The following THUMPD2 variants were observed in gnomAD, a reference collection of about 807,000 sequenced individuals.
THUMPD2 encodes the protein U6 snRNA (guanine-N(2))-methyltransferase THUMPD2.
In THUMPD2, 56 loss-of-function variants were observed where a neutral mutation model predicts 49.4. That is an observed-to-expected ratio of 1.13 (90% CI 0.91 to 1.41). The LOEUF is 1.41. Ranked by LOEUF, THUMPD2 falls within the 40% of genes most tolerant of loss-of-function variation. The pLI is 0.00. For synonymous variants in THUMPD2, 237 were observed against 205.2 expected, an observed-to-expected ratio of 1.15 and a Z score of -1.32; for missense variants, 709 against 594.5, an observed-to-expected ratio of 1.19 and a Z score of -2.00.
intron 5 of THUMPD2, 30 bp downstream of exon 5, chr2:39,766,027 T>G (rs4670959): frequency 5.2e-6 from 8 of 1,546,496 alleles, no homozygotes; most frequent in Non-Finnish European, 7.0e-6. Context: ...ATCTGTCTTA[T>G]GGGACAAACC....
chr2:39,747,937 A>G lies in THUMPD2; in HGVS notation c.1079-3459T>C, dbSNP rs560387644. Among the ~76,000 whole-genome samples, 4 of 152,310 alleles carry G rather than the reference A, an allele frequency of 2.6e-5. No individual in the cohort carries two copies. The South Asian group carries it at 8.3e-4, about 32-fold the overall frequency. On this transcript the variant is annotated intron_variant, in intron 8 of 9. Coordinates refer to ENST00000505747, the MANE Select transcript of THUMPD2 (RefSeq NM_025264.5). ...CCATTCTAGACTACAAATTTATCCA[A>G]TTACAATAAGGAAAGTCATCAGGAG... is the stretch of plus-strand genomic sequence containing the variant.
Position 39,771,606 on chromosome 2 carries a change from G to A in THUMPD2, c.161C>T (p.Thr54Ile), listed in dbSNP as rs757752629. Residue 54 changes from threonine to isoleucine, a missense_variant, in exon 2 of 10, where the codon ACC (threonine) becomes ATC (isoleucine). Thr to Ile is a moderately conservative substitution (Grantham distance 89). Coordinates refer to ENST00000505747, the MANE Select transcript of THUMPD2 (RefSeq NM_025264.5). ...EYISGKVFFT[T>I]CSDLNMLKKL... ...CTTCAACATATTCAAATCAGAACAGGTGGTGAAAAAAACCTTTCCTGAAAT... is the reference window on the plus strand; with the variant it reads ...CTTCAACATATTCAAATCAGAACAGATGGTGAAAAAAACCTTTCCTGAAAT... 5 of 1,603,678 alleles carry A rather than the reference G, an allele frequency of 3.1e-6. No individual in the cohort carries two copies. The highest frequency in any genetic ancestry group is 4.2e-6 in the Non-Finnish European group (5 of 1,176,996).
intron 8 of THUMPD2, among the ~76,000 whole-genome samples, chr2:39,745,845 A>G (rs1674507564): frequency 6.6e-6 from 1 of 152,218 alleles, no homozygotes; most frequent in South Asian, 2.1e-4. Flanking sequence ...TCCAGAACTA[A>G]GCAGTGTCAT....
intron 5 of THUMPD2, among the ~76,000 whole-genome samples, chr2:39,765,189 T>C (rs192677018): frequency 8.5e-5 from 13 of 152,256 alleles, no homozygotes; most frequent in African/African-American, 3.1e-4. Flanking sequence ...AGACAGAGTC[T>C]CACTCTGTCA....
In THUMPD2 at chr2:39,753,753, G is replaced by C. The variant is rs1215331612; in HGVS notation, c.1078+1542C>G. Among the ~76,000 whole-genome samples, 9 of 152,298 alleles carry C rather than the reference G, an allele frequency of 5.9e-5. No homozygotes were observed. In the East Asian group the frequency reaches 1.4e-3, roughly 23 times the overall value. On this transcript the variant is annotated intron_variant, in intron 8 of 9. Transcript: ENST00000505747. ...CAAATTCTGTTGGCTCTGTCTGCCA[G>C]ATGTATATCTGACCTTCTCTCGACA...
chr2:39,769,433 G>T, intron 3 of THUMPD2: 1 of 328,774 alleles, frequency 3.0e-6, no homozygotes, highest in Non-Finnish European at 5.5e-6. Context: ...CAGGCATGGT[G>T]GCTCCCGCCT....
At chr2:39,776,058 C>T (rs1446476736) in intron 1 of THUMPD2, among the ~76,000 whole-genome samples, 1 of 152,100 alleles carries the variant, frequency 6.6e-6, no homozygotes, top group African/African-American at 2.4e-5. Context: ...CTACAACATT[C>T]AATTTTATCT....
At chr2:39,748,676 G>T (rs1392023222) in intron 8 of THUMPD2, among the ~76,000 whole-genome samples, 1 of 151,750 alleles carries the variant, frequency 6.6e-6, no homozygotes, top group Non-Finnish European at 1.5e-5. Flanking sequence ...GACAGAGTGA[G>T]AGTCTGTCTC....
intron 6 of THUMPD2, among the ~76,000 whole-genome samples, chr2:39,760,489 G>A (rs1676679798): frequency 6.6e-6 from 1 of 152,074 alleles, no homozygotes; most frequent in South Asian, 2.1e-4. Flanking sequence ...GAAAATAAGA[G>A]AAGGAAACAA....
At chr2:39,759,265 AAAT>A (rs1357495385) in intron 6 of THUMPD2, among the ~76,000 whole-genome samples, 3 of 152,114 alleles carry the variant, frequency 2.0e-5, no homozygotes, top group East Asian at 3.9e-4. Flanking sequence ...AAGTAAAAAT[AAAT>A]AATAATTTTT....
chr2:39,742,269 C>T (rs1673992257), intron 9 of THUMPD2, among the ~76,000 whole-genome samples: 1 of 152,150 alleles, frequency 6.6e-6, no homozygotes, highest in South Asian at 2.1e-4. Flanking sequence ...AAGGAAAAGT[C>T]CCTTATATCC....
At chr2:39,766,746 A>C (rs1677571354) in intron 4 of THUMPD2, among the ~76,000 whole-genome samples, 1 of 152,196 alleles carries the variant, frequency 6.6e-6, no homozygotes, top group Non-Finnish European at 1.5e-5. Flanking sequence ...AACCTCAAGA[A>C]TATCTGGTCC....
At position 39,766,593 on chromosome 2, in the gene THUMPD2, T is replaced by G. The variant is rs539479373; in HGVS notation, c.751-484A>C. On this transcript the variant is annotated intron_variant, in intron 4 of 9. Transcript: ENST00000505747. ...CTGTTTTCTCTATAAGTTTCTGTCT[T>G]TCTTTATTTTCTTTCTTCTGTTAGG... Among the ~76,000 whole-genome samples the G allele has an allele frequency of 7.9e-5, 12 of 152,292 alleles. 1 individual carries two copies. Among genetic ancestry groups the G allele is most frequent in the South Asian group, 4.1e-4 (2 of 4,822 alleles).
At chr2:39,777,727 T>C (rs1301987413) in intron 1 of THUMPD2, among the ~76,000 whole-genome samples, 3 of 152,232 alleles carry the variant, frequency 2.0e-5, no homozygotes, top group African/African-American at 7.2e-5. Context: ...AATATGGAAA[T>C]TCCCAAATCT....
At chr2:39,754,934 T>C (rs892049824) in intron 8 of THUMPD2, among the ~76,000 whole-genome samples, 1 of 152,208 alleles carries the variant, frequency 6.6e-6, no homozygotes, top group Non-Finnish European at 1.5e-5. Flanking sequence ...TTCATATTAT[T>C]TATTCAAAAG....
chr2:39,771,190 T>C (rs1408706849), intron 2 of THUMPD2, among the ~76,000 whole-genome samples: 1 of 152,166 alleles, frequency 6.6e-6, no homozygotes, highest in Non-Finnish European at 1.5e-5. Flanking sequence ...GATTAGTTCA[T>C]GTTTCTAAAT....
chr2:39,755,253 A>G (rs984054800), intron 8 of THUMPD2, 42 bp downstream of exon 8: 23 of 1,271,168 alleles, frequency 1.8e-5, no homozygotes, highest in Non-Finnish European at 2.3e-5. Flanking sequence ...ATATATTTAC[A>G]TTGTTCCTTT....
chr2:39,771,686 A>G (rs1353507258), intron 1 of THUMPD2, 46 bp from the exon 2 acceptor site: 2 of 1,559,688 alleles, frequency 1.3e-6, no homozygotes, highest in Admixed American at 4.4e-5. Flanking sequence ...TGTCAGTGAA[A>G]AAACCATATT....
chr2:39,777,432 A>T (rs1182084281), intron 1 of THUMPD2, among the ~76,000 whole-genome samples: 1 of 152,226 alleles, frequency 6.6e-6, no homozygotes, highest in Admixed American at 6.5e-5. Context: ...ATGGGCTTTA[A>T]AGCTAGAGAG....
Sources: allele counts gnomAD v4.1 joint callset (sites outside exome capture counted in the v4.1 genomes callset), GRCh38; gene constraint gnomAD v4.1.1; transcripts MANE v1.5; gene names NCBI Gene and HGNC (gene_info 2026-07-23, HGNC 2026-07-21).